CNTN5: variants seen among roughly 807,000 people sequenced by gnomAD.
CNTN5 encodes contactin 5.
CNTN5 carries 77 observed loss-of-function variants against 129.1 expected under a neutral mutation model. The observed-to-expected ratio is 0.60, with a 90% confidence interval of 0.50 to 0.72. CNTN5 has a LOEUF of 0.72. Ranked by LOEUF, CNTN5 falls within the 30% of genes least tolerant of loss-of-function variation. The pLI, the probability that CNTN5 is intolerant of heterozygous loss-of-function variation, is 0.00. For synonymous variants in CNTN5, 509 were observed against 465.6 expected, an observed-to-expected ratio of 1.09 and a Z score of -1.20; for missense variants, 1,478 against 1,328.8, an observed-to-expected ratio of 1.11 and a Z score of -1.75.
At chr11:100,158,778 A>G (rs1020727639) in intron 13 of CNTN5, among the ~76,000 whole-genome samples, 9 of 151,904 alleles carry the variant, frequency 5.9e-5, no homozygotes, top group Non-Finnish European at 1.2e-4. Flanking sequence ...ACAGTTTGGC[A>G]TTATGTTCCA....
intron 2 of CNTN5, among the ~76,000 whole-genome samples, chr11:99,349,491 G>T (rs999173665): frequency 6.6e-6 from 1 of 152,012 alleles, no homozygotes; most frequent in Non-Finnish European, 1.5e-5. Context: ...TAGTCCTTAC[G>T]TTCCCATTGC....
chr11:100,267,617 A>G (rs1381261544), intron 17 of CNTN5, among the ~76,000 whole-genome samples: 2 of 152,116 alleles, frequency 1.3e-5, no homozygotes, highest in Non-Finnish European at 2.9e-5. Flanking sequence ...GAGCAAAAGT[A>G]TTAGGAACAT....
chr11:100,114,275 A>C lies in CNTN5; in HGVS notation c.1580+39981A>C, dbSNP rs116112994. 8.8e-3 allele frequency among the ~76,000 whole-genome samples: 1,345 copies of C among 152,230 alleles called. 27 individuals carry two copies. Among genetic ancestry groups the C allele is most frequent in the African/African-American group, 0.03 (1,259 of 41,546 alleles). ...TAAGGTTGTTTCTGTGGGTAAACTC[A>C]AGGGAAGATTAATTCTATACCTAGA... On this transcript the variant is annotated intron_variant, in intron 13 of 24. Transcript: ENST00000524871.
intron 2 of CNTN5, among the ~76,000 whole-genome samples, chr11:99,446,437 A>T (rs1202792174): frequency 6.6e-6 from 1 of 152,142 alleles, no homozygotes; most frequent in Non-Finnish European, 1.5e-5. Flanking sequence ...CCTCAGTTTT[A>T]ATAAATTTAC....
At chr11:99,847,814 G>C (rs943792353) in intron 6 of CNTN5, among the ~76,000 whole-genome samples, 1 of 152,088 alleles carries the variant, frequency 6.6e-6, no homozygotes, top group African/African-American at 2.4e-5. Flanking sequence ...ACTCAGAATC[G>C]TTCAAAGATT....
chr11:99,624,591 A>C (rs1294196478), intron 3 of CNTN5, among the ~76,000 whole-genome samples: 1 of 152,146 alleles, frequency 6.6e-6, no homozygotes, highest in African/African-American at 2.4e-5. Flanking sequence ...TGCTTTAGTC[A>C]ATTTAGTTGA....
chr11:100,291,547 G>A (rs1323130141), intron 18 of CNTN5, among the ~76,000 whole-genome samples: 5 of 151,042 alleles, frequency 3.3e-5, no homozygotes, highest in African/African-American at 9.7e-5. Flanking sequence ...TCATAGGTGG[G>A]AATTGAACAA....
chr11:99,825,951 AT>A (rs1279531352), intron 4 of CNTN5, among the ~76,000 whole-genome samples: 2 of 152,252 alleles, frequency 1.3e-5, no homozygotes, highest in East Asian at 3.9e-4. Context: ...TTCTTTTCAA[AT>A]GTGCAAAATC....
chr11:100,107,244 C>A (rs1366005151), intron 13 of CNTN5, among the ~76,000 whole-genome samples: 1 of 152,016 alleles, frequency 6.6e-6, no homozygotes, highest in Non-Finnish European at 1.5e-5. Flanking sequence ...TGCCAGGTAT[C>A]CTGCAGATTT....
chr11:100,051,086 TATAAG>T (rs1324255778), intron 9 of CNTN5, among the ~76,000 whole-genome samples: 1 of 151,994 alleles, frequency 6.6e-6, no homozygotes, highest in Admixed American at 6.6e-5. Flanking sequence ...ATTTATCAAT[TATAAG>T]AAGAACAAGA....
chr11:100,254,091 C>CTACT (rs1950022448), intron 16 of CNTN5, among the ~76,000 whole-genome samples: 1 of 152,114 alleles, frequency 6.6e-6, no homozygotes, highest in African/African-American at 2.4e-5. Flanking sequence ...TGAATGGACC[C>CTACT]TACTGACTGC....
intron 8 of CNTN5, among the ~76,000 whole-genome samples, chr11:99,957,612 G>T (rs1214102602): frequency 6.6e-6 from 1 of 152,134 alleles, no homozygotes; most frequent in Non-Finnish European, 1.5e-5. Context: ...TTGCATTAAA[G>T]AATTCAAGTG....
At chr11:99,643,826 T>C (rs1951854452) in intron 3 of CNTN5, among the ~76,000 whole-genome samples, 1 of 140,132 alleles carries the variant, frequency 7.1e-6, no homozygotes, top group South Asian at 2.4e-4. Flanking sequence ...GTTTCCTATG[T>C]TTAAATTCTT....
chr11:99,265,644 A>T (rs530538363), intron 1 of CNTN5, among the ~76,000 whole-genome samples: 54 of 152,058 alleles, frequency 3.6e-4, no homozygotes, highest in Non-Finnish European at 7.1e-4. Context: ...AATTTTCAGT[A>T]ATTTATGTGA....
chr11:99,901,018 G>T (rs867754114), intron 6 of CNTN5, among the ~76,000 whole-genome samples: 1 of 152,058 alleles, frequency 6.6e-6, no homozygotes, highest in Non-Finnish European at 1.5e-5. Context: ...TTTACTAATT[G>T]TGTAACATTG....
chr11:99,745,717 G>T (rs1944033455), intron 3 of CNTN5, among the ~76,000 whole-genome samples: 2 of 115,180 alleles, frequency 1.7e-5, no homozygotes, highest in South Asian at 3.7e-4. Flanking sequence ...CCTTGTATAT[G>T]ACCTGAAGAC....
intron 3 of CNTN5, among the ~76,000 whole-genome samples, chr11:99,571,463 C>G (rs1196203991): frequency 6.6e-6 from 1 of 152,030 alleles, no homozygotes; most frequent in African/African-American, 2.4e-5. Context: ...GGGAGGGAAA[C>G]CAAAGTTAGG....
intron 2 of CNTN5, among the ~76,000 whole-genome samples, chr11:99,541,956 C>CAAAAAAAAAAAAA (rs56363127): frequency 2.2e-4 from 15 of 68,872 alleles, no homozygotes; most frequent in African/African-American, 3.5e-4. Flanking sequence ...GATCTTGTCT[C>CAAAAAAAAAAAAA]AAAAAAAAAA....
chr11:99,116,749 T>C (rs891956064), intron 1 of CNTN5, among the ~76,000 whole-genome samples: 8 of 152,196 alleles, frequency 5.3e-5, no homozygotes, highest in African/African-American at 1.9e-4. Flanking sequence ...GGCAATGCCA[T>C]TTATTGAAAA....
Sources: gnomAD v4.1 joint callset for allele counts (sites outside exome capture counted in the v4.1 genomes callset) on GRCh38, gnomAD v4.1.1 for gene constraint, MANE v1.5 for transcripts, NCBI Gene and HGNC (gene_info 2026-07-23, HGNC 2026-07-21) for gene names.